Variants in NCALD observed in about 807,000 individuals in gnomAD.
NCALD encodes the protein neurocalcin delta, also known as neurocalcin-delta.
NCALD carries 10 observed loss-of-function variants against 18.6 expected under a neutral mutation model. The observed-to-expected ratio is 0.54, with a 90% CI of 0.33 to 0.91. The LOEUF is 0.91. Among genes scored for constraint, NCALD ranks in the 40% least tolerant of loss-of-function variants. The pLI, the probability that NCALD is intolerant of heterozygous loss-of-function variation, is 0.03. For synonymous variants in NCALD, 88 were observed against 87.4 expected (o/e 1.01, Z -0.04); for missense variants, 184 against 247.6 (o/e 0.74, Z 1.72).
chr8:101,707,222 GA>G (rs1410291843), intron 2 of NCALD, among the ~76,000 whole-genome samples: 2 of 152,096 alleles, frequency 1.3e-5, no homozygotes, highest in Non-Finnish European at 1.5e-5. Context: ...GTCTTTGGGG[GA>G]AAAAATGCAA....
chr8:101,891,942 G>A (rs906227336), intron 3 of NCALD, among the ~76,000 whole-genome samples: 2 of 152,176 alleles, frequency 1.3e-5, no homozygotes, highest in African/African-American at 2.4e-5. Flanking sequence ...GGGGAGGGGC[G>A]CCCGCAATTG....
intron 4 of NCALD, among the ~76,000 whole-genome samples, chr8:101,804,337 AATT>A (rs1812984518): frequency 2.8e-5 from 1 of 35,342 alleles, no homozygotes; most frequent in African/African-American, 5.1e-5. Flanking sequence ...TAATTATATC[AATT>A]ATATATTATA....
chr8:101,952,334 T>A (rs756523534), intron 2 of NCALD, among the ~76,000 whole-genome samples: 1 of 152,202 alleles, frequency 6.6e-6, no homozygotes, highest in Non-Finnish European at 1.5e-5. Flanking sequence ...CCTTACAAAC[T>A]GCCTCTTCTC....
Position 101,787,362 on chromosome 8 carries a change from C to T in NCALD, c.-20+3500G>A, listed in dbSNP as rs182727368. On this transcript the variant is annotated intron_variant, in intron 1 of 3. Coordinates refer to ENST00000220931, the MANE Select transcript of NCALD (RefSeq NM_032041.3). ...CTTTCGTAATTCCTTTGAGAACACACGAAGACAAATTGCTAAGCTTCCATT... is the reference window on the plus strand; with the variant it reads ...CTTTCGTAATTCCTTTGAGAACACATGAAGACAAATTGCTAAGCTTCCATT... 1.5e-3 allele frequency among the ~76,000 whole-genome samples: 232 copies of T among 152,256 alleles called. 2 individuals carry two copies. Among genetic ancestry groups the T allele is most frequent in the Middle Eastern group, 3.4e-3 (1 of 294 alleles).
intron 2 of NCALD, among the ~76,000 whole-genome samples, chr8:101,699,891 G>A (rs1373951257): frequency 2.0e-5 from 3 of 152,004 alleles, no homozygotes; most frequent in Non-Finnish European, 2.9e-5. Context: ...CACGTTCTGT[G>A]CGTGTATCCA....
chr8:101,730,073 T>G (rs1310966885), intron 1 of NCALD, among the ~76,000 whole-genome samples: 1 of 152,138 alleles, frequency 6.6e-6, no homozygotes, highest in Non-Finnish European at 1.5e-5. Context: ...AAGACACTAT[T>G]AACAGTTTAA....
In NCALD at chr8:101,688,984, C is replaced by T. The variant is rs1470494505; in HGVS notation, c.*325G>A. 2.9e-6 allele frequency: 2 copies of T among 678,188 alleles called. No homozygotes were observed. The highest frequency in any genetic ancestry group is 3.6e-5 in the African/African-American group (2 of 55,600). 42.0% of individuals were successfully genotyped at this position (678,188 alleles called of 1,614,324 possible). On this transcript the variant is annotated 3_prime_UTR_variant, in exon 4 of 4. Transcript: ENST00000220931. ...AGAATCACAGGACTGGATGGGTTTC[C>T]CTTCTTTTGCCCCAACCCCCGAGTC...
chr8:102,112,418 C>T (rs1198066757), intron 1 of NCALD, among the ~76,000 whole-genome samples: 8 of 152,154 alleles, frequency 5.3e-5, no homozygotes, highest in African/African-American at 1.9e-4. Context: ...AACAGATTGC[C>T]TCCACATTCT....
At chr8:101,823,518 T>C (rs1177085391) in intron 4 of NCALD, among the ~76,000 whole-genome samples, 1 of 152,172 alleles carries the variant, frequency 6.6e-6, no homozygotes, top group Non-Finnish European at 1.5e-5. Context: ...TAAAACAATA[T>C]TTTTGGACAA....
intron 1 of NCALD, among the ~76,000 whole-genome samples, chr8:102,056,744 G>C (rs1473814293): frequency 6.6e-6 from 1 of 152,202 alleles, no homozygotes; most frequent in East Asian, 1.9e-4. Flanking sequence ...GAGAAAGAAG[G>C]CTAAGGCCGT....
At chr8:101,834,380 T>C (rs1267841715) in intron 4 of NCALD, among the ~76,000 whole-genome samples, 3 of 152,224 alleles carry the variant, frequency 2.0e-5, no homozygotes, top group Admixed American at 6.5e-5. Context: ...AGGCTTCACG[T>C]GAAGCTGGAA....
intron 1 of NCALD, among the ~76,000 whole-genome samples, chr8:101,727,088 G>GA (rs535388396): frequency 1.3e-3 from 203 of 152,254 alleles, no homozygotes; most frequent in Non-Finnish European, 2.3e-3. Context: ...TCAATATAAC[G>GA]AAACAAGTAA....
At chr8:101,934,034 T>C (rs1254589349) in intron 2 of NCALD, among the ~76,000 whole-genome samples, 3 of 152,274 alleles carry the variant, frequency 2.0e-5, no homozygotes, top group Admixed American at 6.5e-5. Context: ...TTTTTAAAAC[T>C]TTTTCTTGAG....
rs369393213 is a variant in NCALD at position 101,843,582 on chromosome 8, G to GTTTTTTTTTTTTTT, written c.-20+43545_-20+43558dup. Among the ~76,000 whole-genome samples the GTTTTTTTTTTTTTT allele has an allele frequency of 3.3e-4, 41 of 125,124 alleles. 1 individual carries two copies. Among genetic ancestry groups the GTTTTTTTTTTTTTT allele is most frequent in the African/African-American group, 6.8e-4 (21 of 30,692 alleles). The allele number at this position is 125,124 out of a possible 152,430, so 82.1% of individuals were successfully genotyped here. Reference sequence around the variant, plus strand: ...TCTGTTCTATGAATCTTTAAAAATTGTTTTTTTTTTTTTTGAGACAGTCTT... The same window carrying GTTTTTTTTTTTTTT: ...TCTGTTCTATGAATCTTTAAAAATTGTTTTTTTTTTTTTTTTTTTTTTTTTTTTGAGACAGTCTT... On this transcript the variant is annotated intron_variant, in intron 4 of 6. Coordinates refer to the NCALD transcript ENST00000311028.
chr8:101,869,194 A>C (rs944510763), intron 4 of NCALD, among the ~76,000 whole-genome samples: 12 of 152,216 alleles, frequency 7.9e-5, no homozygotes, highest in African/African-American at 2.9e-4. Context: ...CACTTTACAA[A>C]TGTGATTAAG....
At chr8:101,802,383 T>C (rs1304679441) in intron 4 of NCALD, among the ~76,000 whole-genome samples, 2 of 150,654 alleles carry the variant, frequency 1.3e-5, no homozygotes, top group Non-Finnish European at 3.0e-5. Context: ...CCTCTAAGAG[T>C]TCAAGTGAAA....
chr8:101,984,108 G>A (rs1820719423), intron 2 of NCALD, among the ~76,000 whole-genome samples: 1 of 152,176 alleles, frequency 6.6e-6, no homozygotes. Context: ...CAAACCATGA[G>A]CACCTAAGGA....
intron 1 of NCALD, among the ~76,000 whole-genome samples, chr8:102,089,855 A>C (rs1250730846): frequency 2.0e-5 from 3 of 152,232 alleles, no homozygotes; most frequent in Non-Finnish European, 4.4e-5. Flanking sequence ...CTACAGTTAA[A>C]AGGGTATTCA....
chr8:102,029,600 C>T (rs1319134568), intron 1 of NCALD, among the ~76,000 whole-genome samples: 1 of 152,182 alleles, frequency 6.6e-6, no homozygotes, highest in Non-Finnish European at 1.5e-5. Flanking sequence ...GTCAACGTTT[C>T]ATCATAAAAA....
Sources: allele counts gnomAD v4.1 joint callset (sites outside exome capture counted in the v4.1 genomes callset), GRCh38; gene constraint gnomAD v4.1.1; transcripts MANE v1.5; gene names NCBI Gene and HGNC (gene_info 2026-07-23, HGNC 2026-07-21).